The following ISY1 variants were observed in gnomAD, a reference collection of about 807,000 sequenced individuals.
ISY1 encodes pre-mRNA-splicing factor ISY1 homolog.
A neutral mutation model predicts 54.4 loss-of-function variants in ISY1; 12 were observed. The observed-to-expected ratio is 0.22, with a 90% CI of 0.14 to 0.36. ISY1 has a LOEUF of 0.36. Ranked by LOEUF, ISY1 falls within the 10% of genes least tolerant of loss-of-function variation. The pLI is 1.00. For synonymous variants in ISY1, 96 were observed against 117.9 expected (o/e 0.81, Z 1.20); for missense variants, 282 against 342.2 (o/e 0.82, Z 1.39).
chr3:129,157,588 A>G (rs1937181525), intron 3 of ISY1, among the ~76,000 whole-genome samples: 1 of 151,862 alleles, frequency 6.6e-6, no homozygotes, highest in Non-Finnish European at 1.5e-5. Context: ...GGGTGTGGTG[A>G]TATGTGCCTG....
chr3:129,135,015 C>T (rs1409103832), intron 7 of ISY1, 61 bp from the exon 8 acceptor site: 12 of 1,543,388 alleles, frequency 7.8e-6, no homozygotes, highest in Non-Finnish European at 1.1e-5. Context: ...GCGAAGCTGT[C>T]TCCTGATGCA....
At chr3:129,133,151 T>C (rs1317473774) in intron 9 of ISY1, among the ~76,000 whole-genome samples, 3 of 152,188 alleles carry the variant, frequency 2.0e-5, no homozygotes, top group Admixed American at 6.5e-5. Flanking sequence ...CCTCCTTTAA[T>C]GCAGTGAAGT....
At chr3:129,149,604 A>T (rs1225901345) in intron 5 of ISY1, among the ~76,000 whole-genome samples, 2 of 87,746 alleles carry the variant, frequency 2.3e-5, no homozygotes, top group East Asian at 3.5e-4. Context: ...AAAAAAAAAA[A>T]AAAAAAATAT....
At chr3:129,145,731 G>C in intron 6 of ISY1, 30 bp downstream of exon 6, 1 of 1,605,638 alleles carries the variant, frequency 6.2e-7, no homozygotes, top group Non-Finnish European at 8.5e-7. Context: ...AACTAGACAA[G>C]ACCCGCCACT....
intron 9 of ISY1, among the ~76,000 whole-genome samples, chr3:129,132,505 G>A (rs1284489832): frequency 5.3e-5 from 8 of 152,122 alleles, no homozygotes; most frequent in Non-Finnish European, 1.2e-4. Context: ...CACATGATGC[G>A]CCCCTGCTGG....
At chr3:129,153,541 C>A (rs574620144) in intron 5 of ISY1, among the ~76,000 whole-genome samples, 1 of 150,566 alleles carries the variant, frequency 6.6e-6, no homozygotes, top group Non-Finnish European at 1.5e-5. Context: ...CCCAGCACTA[C>A]GGGAGGGTGA....
At chr3:129,147,549 G>A (rs1936805382) in intron 5 of ISY1, among the ~76,000 whole-genome samples, 1 of 152,100 alleles carries the variant, frequency 6.6e-6, no homozygotes, top group South Asian at 2.1e-4. Flanking sequence ...CAAAGGGAGA[G>A]GATTCCAGAA....
At chr3:129,136,661 G>A (rs915831320) in intron 7 of ISY1, among the ~76,000 whole-genome samples, 7 of 149,552 alleles carry the variant, frequency 4.7e-5, no homozygotes, top group African/African-American at 7.4e-5. Flanking sequence ...GCACCACCAC[G>A]CCCGGCTAAT....
rs1188987801 is a variant in ISY1, at chr3:129,158,590, A to G, written c.27-31T>C. ...AGCGATATAAAAGATAAAAGACTCC[A>G]TTAGATCCTGCTCATACAGACTTCT... On this transcript the variant is annotated intron_variant, in intron 2 of 10. Coordinates refer to ENST00000393295, the MANE Select transcript of ISY1 (RefSeq NM_020701.4). 2.5e-6 allele frequency: 4 copies of G among 1,613,622 alleles called. No individual in the cohort carries two copies. The African/African-American group carries it at 4.0e-5, about 16-fold the overall frequency.
chr3:129,136,445 T>C (rs373943277), intron 7 of ISY1, among the ~76,000 whole-genome samples: 3 of 152,060 alleles, frequency 2.0e-5, no homozygotes, highest in South Asian at 2.1e-4. Context: ...ACCAACCAGA[T>C]TGGTGAAAGA....
rs529197214 is a variant in ISY1 at position 129,147,773 on chromosome 3, T to C, written c.188-1900A>G. 7.2e-5 allele frequency among the ~76,000 whole-genome samples: 11 copies of C among 152,222 alleles called. No individual in the cohort carries two copies. In the East Asian group the frequency reaches 2.1e-3, roughly 29 times the overall value. On this transcript the variant is annotated intron_variant, in intron 5 of 10. Transcript: ENST00000393295. ...CAAAACATTCCCTTATGCATCACTA[T>C]AGTCAACCCCTCCCCCTACCCAACT...
intron 8 of ISY1, 106 bp downstream of exon 8, chr3:129,134,726 A>G: frequency 7.1e-7 from 1 of 1,415,194 alleles, no homozygotes; most frequent in Non-Finnish European, 9.4e-7. Context: ...ATTAGCAACA[A>G]AGAAAACTCC....
At chr3:129,160,601 A>G (rs1937277599) in intron 1 of ISY1, among the ~76,000 whole-genome samples, 1 of 152,160 alleles carries the variant, frequency 6.6e-6, no homozygotes, top group Admixed American at 6.5e-5. Flanking sequence ...AAATAATCCC[A>G]GAAACATATA....
At chr3:129,155,572 T>C (rs1937110810) in intron 5 of ISY1, among the ~76,000 whole-genome samples, 1 of 152,194 alleles carries the variant, frequency 6.6e-6, no homozygotes, top group Non-Finnish European at 1.5e-5. Flanking sequence ...GTTTTCACTC[T>C]AATTAAATTC....
intron 5 of ISY1, among the ~76,000 whole-genome samples, chr3:129,150,644 C>T (rs767146633): frequency 7.9e-5 from 12 of 151,560 alleles, no homozygotes; most frequent in East Asian, 7.9e-4. Flanking sequence ...ACCTGGGGGG[C>T]GGAGCTTGCA....
At chr3:129,145,224 A>ATT (rs35391482) in intron 6 of ISY1, among the ~76,000 whole-genome samples, 3 of 137,344 alleles carry the variant, frequency 2.2e-5, no homozygotes, top group Non-Finnish European at 4.8e-5. Context: ...GACCATAGTC[A>ATT]TTTTTTTTTT....
At chr3:129,142,451 T>C (rs1335699521) in intron 6 of ISY1, among the ~76,000 whole-genome samples, 1 of 152,208 alleles carries the variant, frequency 6.6e-6, no homozygotes, top group Non-Finnish European at 1.5e-5. Context: ...TGATGTATTG[T>C]AACCTACCTT....
At chr3:129,147,097 G>A (rs984901422) in intron 5 of ISY1, among the ~76,000 whole-genome samples, 1 of 148,978 alleles carries the variant, frequency 6.7e-6, no homozygotes, top group African/African-American at 2.5e-5. Context: ...TATTGTAACT[G>A]GGTGCGGTGG....
At chr3:129,136,871 CTTCT>C (rs1325925158) in intron 7 of ISY1, among the ~76,000 whole-genome samples, 5 of 126,936 alleles carry the variant, frequency 3.9e-5, no homozygotes, top group Admixed American at 8.2e-5. Flanking sequence ...GTATTTTCTT[CTTCT>C]TTTTTTTTTT....
Sources: gnomAD v4.1 joint callset for allele counts (sites outside exome capture counted in the v4.1 genomes callset) on GRCh38, gnomAD v4.1.1 for gene constraint, MANE v1.5 for transcripts, NCBI Gene and HGNC (gene_info 2026-07-23, HGNC 2026-07-21) for gene names.